NECAP2: variants seen among roughly 807,000 people sequenced by gnomAD.
The protein encoded by NECAP2 is adaptin ear-binding coat-associated protein 2.
In NECAP2, 38 loss-of-function variants were observed where a neutral mutation model predicts 37.8. That is an observed-to-expected ratio of 1.01 (90% CI 0.78 to 1.32). NECAP2 has a LOEUF of 1.32. NECAP2 is among the 40% of genes most tolerant of loss of function. The probability of loss-of-function intolerance (pLI) is 0.00; values close to 1 mark genes in which losing one functional copy is unlikely to be tolerated. For synonymous variants in NECAP2, 121 were observed against 127.7 expected, an observed-to-expected ratio of 0.95 and a Z score of 0.35; for missense variants, 316 against 334.5, an observed-to-expected ratio of 0.94 and a Z score of 0.43.
intron 1 of NECAP2, among the ~76,000 whole-genome samples, chr1:16,442,982 A>G (rs1334396265): frequency 6.6e-6 from 1 of 152,196 alleles, no homozygotes; most frequent in Non-Finnish European, 1.5e-5. Flanking sequence ...GTTTCTTCCT[A>G]AGGACCCATT....
At chr1:16,452,056 G>A in intron 6 of NECAP2, 41 bp downstream of exon 6, 1 of 1,513,470 alleles carries the variant, frequency 6.6e-7, no homozygotes, top group Non-Finnish European at 8.8e-7. Context: ...GTACCTGCCG[G>A]CTCCTCTTCT....
At chr1:16,447,108 A>G (rs1270164954) in intron 2 of NECAP2, among the ~76,000 whole-genome samples, 1 of 151,820 alleles carries the variant, frequency 6.6e-6, no homozygotes, top group Middle Eastern at 3.4e-3. Flanking sequence ...GGCTCAAGCA[A>G]CGCACCCCAC....
Position 16,456,097 on chromosome 1 carries a change from C to T in NECAP2, c.743+204C>T, listed in dbSNP as rs574250251. Among the ~76,000 whole-genome samples the T allele has an allele frequency of 4.7e-5, 7 of 149,954 alleles. No homozygotes were observed. The East Asian group carries it at 1.2e-3, about 25-fold the overall frequency. ...GGAGTGCAATGGCATGATCTTGGCT[C>T]GCTGCAACCTCTGCCTCCCAGGTTC... is the stretch of plus-strand genomic sequence containing the variant. On this transcript the variant is annotated intron_variant, in intron 7 of 7. Coordinates refer to ENST00000337132, the MANE Select transcript of NECAP2 (RefSeq NM_018090.5).
chr1:16,454,714 T>C (rs949075455), intron 6 of NECAP2, among the ~76,000 whole-genome samples: 2 of 152,296 alleles, frequency 1.3e-5, no homozygotes, highest in African/African-American at 4.8e-5. Context: ...ATCTGTAGGA[T>C]AGGGGAAGTA....
At chr1:16,447,270 A>G (rs1312098004) in intron 2 of NECAP2, among the ~76,000 whole-genome samples, 1 of 149,912 alleles carries the variant, frequency 6.7e-6, no homozygotes. Context: ...GTTGTGCCGC[A>G]CTGTCGAGTG....
At chr1:16,443,777 C>T in intron 2 of NECAP2, 45 bp downstream of exon 2, 7 of 1,479,354 alleles carry the variant, frequency 4.7e-6, no homozygotes, top group Non-Finnish European at 6.6e-6. Flanking sequence ...CCGCACCCCA[C>T]TTTATGAAGG....
intron 6 of NECAP2, among the ~76,000 whole-genome samples, chr1:16,453,196 G>T (rs1280516492): frequency 6.9e-6 from 1 of 145,652 alleles, no homozygotes; most frequent in Non-Finnish European, 1.5e-5. Flanking sequence ...TGCAACCTCT[G>T]CCTCCTGGGT....
At chr1:16,441,440 T>G (rs2086688750) in intron 1 of NECAP2, 1 of 152,524 alleles carries the variant, frequency 6.6e-6, no homozygotes, top group Admixed American at 6.5e-5. Context: ...CACACGCTTG[T>G]AAACATACTG....
At chr1:16,449,044 G>A in intron 4 of NECAP2, 49 bp from the exon 5 acceptor site, 9 of 1,258,318 alleles carry the variant, frequency 7.2e-6, no homozygotes, top group Non-Finnish European at 1.0e-5. Context: ...TGATTGCAGG[G>A]CAGCTGGTCT....
chr1:16,449,026 T>C (rs1189882022), intron 4 of NECAP2, 67 bp from the exon 5 acceptor site: 1 of 1,022,974 alleles, frequency 9.8e-7, no homozygotes, highest in African/African-American at 1.6e-5. Context: ...AGTAGTGAAG[T>C]GAGCCAGTGA....
At position 16,451,839 on chromosome 1, in the gene NECAP2, A is replaced by T. The variant is rs746218382; in HGVS notation, c.491A>T (p.Asn164Ile). The T allele has an allele frequency of 1.2e-5, 20 of 1,613,982 alleles. No individual in the cohort carries two copies. Among genetic ancestry groups the T allele is most frequent in the African/African-American group, 5.3e-5 (4 of 74,918 alleles). The change falls in exon 6 of 8, where the codon AAC becomes ATC. Residue 164 changes from asparagine to isoleucine, a missense_variant and splice_region_variant. Around this residue, in one of 3 missense-constraint regions of NECAP2, gnomAD observed 204 missense variants for 188.6 expected, o/e 1.08. Coordinates refer to ENST00000337132, the MANE Select transcript of NECAP2 (RefSeq NM_018090.5). ...TTTGCATTCCTCTTCCCTCTTTAGAACATGAAGAAGAAGGAAGGAGCAGCT... is the reference window on the plus strand; with the variant it reads ...TTTGCATTCCTCTTCCCTCTTTAGATCATGAAGAAGAAGGAAGGAGCAGCT... ...EGQTIKLNIA[N>I]MKKKEGAAGN...
At chr1:16,457,894 A>G (rs1230760003) in intron 7 of NECAP2, among the ~76,000 whole-genome samples, 5 of 151,764 alleles carry the variant, frequency 3.3e-5, no homozygotes, top group Non-Finnish European at 7.4e-5. Context: ...TATTTTTAGT[A>G]GAGGCGGGGT....
At chr1:16,442,465 T>C (rs1454278684) in intron 1 of NECAP2, among the ~76,000 whole-genome samples, 1 of 152,170 alleles carries the variant, frequency 6.6e-6, no homozygotes, top group Non-Finnish European at 1.5e-5. Context: ...TGCTGATTTG[T>C]GAATTGAGAA....
Position 16,449,205 on chromosome 1 carries a change from A to G in NECAP2, c.489+4A>G. On this transcript the variant is annotated splice_donor_region_variant and intron_variant, in intron 5 of 7. Transcript: ENST00000337132. ...GACCATCAAGCTCAACATCGCAGTGAGTTCTACCCTTGCTTGGCTGTGGTG... is the reference window on the plus strand; with the variant it reads ...GACCATCAAGCTCAACATCGCAGTGGGTTCTACCCTTGCTTGGCTGTGGTG... The G allele has an allele frequency of 6.2e-7, 1 of 1,601,986 alleles. No homozygotes were observed. The highest frequency in any genetic ancestry group is 1.3e-5 in the African/African-American group (1 of 74,858).
intron 4 of NECAP2, 132 bp downstream of exon 4, chr1:16,448,273 A>C: frequency 1.2e-6 from 1 of 831,728 alleles, no homozygotes; most frequent in South Asian, 1.4e-5. Flanking sequence ...AACCCAGGAC[A>C]AGCCACCTCT....
intron 6 of NECAP2, among the ~76,000 whole-genome samples, chr1:16,454,357 CCTA>C (rs2086888613): frequency 1.4e-5 from 2 of 146,876 alleles, no homozygotes; most frequent in African/African-American, 5.1e-5. Flanking sequence ...CCGCACCTCG[CCTA>C]CTTATTTATT....
intron 7 of NECAP2, among the ~76,000 whole-genome samples, chr1:16,457,669 T>C (rs1453944239): frequency 6.6e-6 from 1 of 151,750 alleles, no homozygotes; most frequent in Non-Finnish European, 1.5e-5. Context: ...ATTCTGTTTT[T>C]AATAGTGGTA....
chr1:16,448,992 G>C, intron 4 of NECAP2, 101 bp from the exon 5 acceptor site: 2 of 740,742 alleles, frequency 2.7e-6, no homozygotes, highest in South Asian at 1.8e-5. Flanking sequence ...TCACTACGAG[G>C]CTCAGCCTGG....
At chr1:16,440,880 A>G (rs752424490) in intron 1 of NECAP2, 27 bp downstream of exon 1, 133 of 1,593,728 alleles carry the variant, frequency 8.3e-5, no homozygotes, top group Non-Finnish European at 1.1e-4. Flanking sequence ...AGACCAGGCT[A>G]GCTCCAATTT....
Sources: gnomAD v4.1 joint callset for allele counts (sites outside exome capture counted in the v4.1 genomes callset) on GRCh38, gnomAD v4.1.1 for gene constraint, gnomAD v4.1.1 regional missense constraint, MANE v1.5 for transcripts, NCBI Gene and HGNC (gene_info 2026-07-23, HGNC 2026-07-21) for gene names.